PPP1R14C: variants seen among roughly 807,000 people sequenced by gnomAD.
PPP1R14C encodes protein phosphatase 1 regulatory subunit 14C.
PPP1R14C carries 16 observed loss-of-function variants against 20.4 expected under a neutral mutation model. That is an observed-to-expected ratio of 0.78 (90% CI 0.53 to 1.19). The LOEUF (loss-of-function observed/expected upper bound fraction) is 1.19, where lower values mean the gene tolerates loss of function less well. Ranked by LOEUF, PPP1R14C falls within the 50% of genes most tolerant of loss-of-function variation. The pLI is 0.00. For missense variants in PPP1R14C, 211 were observed against 220.1 expected, an observed-to-expected ratio of 0.96 and a Z score of 0.26; for synonymous variants, 91 against 91.0, an observed-to-expected ratio of 1.00 and a Z score of 0.00.
intron 1 of PPP1R14C, among the ~76,000 whole-genome samples, chr6:150,212,975 A>G (rs972012954): frequency 7.2e-5 from 11 of 152,204 alleles, no homozygotes; most frequent in Non-Finnish European, 1.5e-4. Context: ...CAGCTTTATT[A>G]TCATCAAAGC....
chr6:150,174,242 A>T (rs1343814504), intron 1 of PPP1R14C, among the ~76,000 whole-genome samples: 4 of 152,138 alleles, frequency 2.6e-5, no homozygotes, highest in African/African-American at 9.7e-5. Context: ...AAGAAATGCT[A>T]TGAGTCTCCC....
chr6:150,240,587 C>T (rs1778420333), intron 3 of PPP1R14C, among the ~76,000 whole-genome samples: 1 of 152,172 alleles, frequency 6.6e-6, no homozygotes, highest in African/African-American at 2.4e-5. Context: ...TTCAAAGTTA[C>T]ACCCCTGTGC....
chr6:150,188,855 T>A (rs1777709158), intron 1 of PPP1R14C, among the ~76,000 whole-genome samples: 1 of 148,858 alleles, frequency 6.7e-6, no homozygotes, highest in Admixed American at 6.6e-5. Flanking sequence ...ATTTTTTAAT[T>A]ATTATTTATT....
chr6:150,249,293 A>T lies in PPP1R14C; in HGVS notation c.*473A>T, dbSNP rs756952893. 85 of 399,024 alleles carry T rather than the reference A, an allele frequency of 2.1e-4. No individual in the cohort carries two copies. Among genetic ancestry groups the T allele is most frequent in the Non-Finnish European group, 3.4e-4 (78 of 226,188 alleles). The allele number at this position is 399,024 out of a possible 1,614,324, so 24.7% of individuals were successfully genotyped here. ...AAGTTAAAATGTTGATGTGAGTTTT[A>T]TTTCACATGGATGGAATAAACTTGT... On this transcript the variant is annotated 3_prime_UTR_variant, in exon 4 of 4. Coordinates refer to ENST00000361131, the MANE Select transcript of PPP1R14C (RefSeq NM_030949.3).
chr6:150,231,794 C>T (rs1778299308), intron 3 of PPP1R14C, among the ~76,000 whole-genome samples: 1 of 152,182 alleles, frequency 6.6e-6, no homozygotes, highest in Non-Finnish European at 1.5e-5. Flanking sequence ...GGACACTTAT[C>T]CTTGTTAATA....
At chr6:150,148,591 T>C (rs1489482704) in intron 1 of PPP1R14C, among the ~76,000 whole-genome samples, 5 of 152,204 alleles carry the variant, frequency 3.3e-5, no homozygotes, top group Admixed American at 3.3e-4. Flanking sequence ...CAGTATCACA[T>C]CAGCCGGCTT....
intron 1 of PPP1R14C, among the ~76,000 whole-genome samples, chr6:150,166,302 G>A (rs1227501647): frequency 2.6e-5 from 4 of 151,954 alleles, no homozygotes; most frequent in African/African-American, 9.7e-5. Context: ...GGATGGTCTC[G>A]ATCTCCTGAC....
chr6:150,148,396 C>T (rs1317434976), intron 1 of PPP1R14C, among the ~76,000 whole-genome samples: 2 of 152,230 alleles, frequency 1.3e-5, no homozygotes, highest in African/African-American at 4.8e-5. Context: ...CCTCCTGAGA[C>T]AGGGCAGAGC....
chr6:150,143,598 T>C lies in PPP1R14C; in HGVS notation c.306+100T>C. 1 of 863,464 alleles carries C rather than the reference T, an allele frequency of 1.2e-6. No individual in the cohort carries two copies. The allele number at this position is 863,464 out of a possible 1,614,324, so 53.5% of individuals were successfully genotyped here. A position where few individuals can be genotyped will look rare whatever the true frequency, so the allele number is the denominator to read the frequency against. Reference sequence around the variant, plus strand: ...TCCAGCTCCGGGGCGCGCATGTCCCTGACTCCCGGGGACCAAGTGCCAGGA... The same window carrying C: ...TCCAGCTCCGGGGCGCGCATGTCCCCGACTCCCGGGGACCAAGTGCCAGGA... On this transcript the variant is annotated intron_variant, in intron 1 of 3. Coordinates refer to ENST00000361131, the MANE Select transcript of PPP1R14C (RefSeq NM_030949.3). The surrounding 1 kb of genome is among the most constrained non-coding windows in gnomAD (Gnocchi z 5.6).
intron 1 of PPP1R14C, among the ~76,000 whole-genome samples, chr6:150,170,187 G>A (rs959836005): frequency 1.3e-5 from 2 of 152,200 alleles, no homozygotes; most frequent in African/African-American, 2.4e-5. Context: ...AGGAAGGGAA[G>A]TGGAATGGGA....
chr6:150,239,823 C>T (rs997266413), intron 3 of PPP1R14C, among the ~76,000 whole-genome samples: 2 of 152,124 alleles, frequency 1.3e-5, no homozygotes, highest in African/African-American at 2.4e-5. Flanking sequence ...GAGGCCAAGG[C>T]GGGTGGATCA....
intron 1 of PPP1R14C, among the ~76,000 whole-genome samples, chr6:150,191,890 T>C (rs1406222972): frequency 6.6e-6 from 1 of 152,160 alleles, no homozygotes; most frequent in African/African-American, 2.4e-5. Context: ...TTTCAGGCAA[T>C]GGAGTGGTCT....
At chr6:150,184,381 T>C (rs1777654250) in intron 1 of PPP1R14C, among the ~76,000 whole-genome samples, 1 of 152,182 alleles carries the variant, frequency 6.6e-6, no homozygotes, top group Non-Finnish European at 1.5e-5. Flanking sequence ...AGTCATATGC[T>C]GCACAGGTGT....
Position 150,201,439 on chromosome 6 carries a change from G to A in PPP1R14C, c.307-13305G>A, listed in dbSNP as rs1390645648. 6.6e-6 allele frequency among the ~76,000 whole-genome samples: 1 copy of A among 152,192 alleles called. No individual in the cohort carries two copies. The highest frequency in any genetic ancestry group is 2.4e-5 in the African/African-American group (1 of 41,450). ...AGTGTCCTACACATGCACCCAGCAC[G>A]TGCAAAGGCCCTGTGGAGGCCTGGC... On this transcript the variant is annotated intron_variant, in intron 1 of 3. Coordinates refer to ENST00000361131, the MANE Select transcript of PPP1R14C (RefSeq NM_030949.3). This position sits in a 1 kb window ranked among gnomAD's most constrained non-coding sequence, Gnocchi z 4.2.
intron 1 of PPP1R14C, among the ~76,000 whole-genome samples, chr6:150,175,601 T>A (rs1257031145): frequency 6.6e-6 from 1 of 152,198 alleles, no homozygotes; most frequent in African/African-American, 2.4e-5. Context: ...CATTTCCAAA[T>A]GCAAGGAAGT....
chr6:150,220,028 G>A (rs1778147570), intron 3 of PPP1R14C, among the ~76,000 whole-genome samples: 1 of 152,032 alleles, frequency 6.6e-6, no homozygotes, highest in Non-Finnish European at 1.5e-5. Flanking sequence ...GCTAATTTTT[G>A]TATTTTTAGT....
intron 1 of PPP1R14C, among the ~76,000 whole-genome samples, chr6:150,167,960 T>C: frequency 2.0e-5 from 3 of 148,880 alleles, no homozygotes; most frequent in Non-Finnish European, 3.0e-5. Context: ...CCTTCTCTCC[T>C]CCCCTCTTTC....
chr6:150,152,570 T>TA (rs1228052955), intron 1 of PPP1R14C, among the ~76,000 whole-genome samples: 13 of 151,994 alleles, frequency 8.6e-5, no homozygotes, highest in Non-Finnish European at 1.5e-5. Context: ...CCCTCTGCCA[T>TA]AATCACCTCC....
intron 1 of PPP1R14C, among the ~76,000 whole-genome samples, chr6:150,169,692 A>G (rs897731244): frequency 5.3e-5 from 8 of 152,252 alleles, no homozygotes; most frequent in African/African-American, 1.7e-4. Context: ...AGCGGGAAGA[A>G]GCTGAAAGTA....
Sources: allele counts gnomAD v4.1 joint callset (sites outside exome capture counted in the v4.1 genomes callset), GRCh38; gene constraint gnomAD v4.1.1; non-coding constraint Gnocchi (gnomAD v3.1); transcripts MANE v1.5; gene names NCBI Gene and HGNC (gene_info 2026-07-23, HGNC 2026-07-21).